The following NADK2 variants were observed in gnomAD, a reference collection of about 807,000 sequenced individuals.
The protein encoded by NADK2 is NAD kinase 2, mitochondrial, also known as NAD kinase domain-containing protein 1, mitochondrial.
In NADK2, 35 loss-of-function variants were observed where a neutral mutation model predicts 62.1. The observed-to-expected ratio is 0.56, with a 90% CI of 0.43 to 0.75. The LOEUF (loss-of-function observed/expected upper bound fraction) is 0.75, where lower values mean the gene tolerates loss of function less well. NADK2 is among the 30% of genes least tolerant of loss of function. The probability of loss-of-function intolerance (pLI) is 0.00; values close to 1 mark genes in which losing one functional copy is unlikely to be tolerated. For missense variants in NADK2, 439 were observed against 561.3 expected (o/e 0.78, Z 2.20); for synonymous variants, 205 against 207.9 (o/e 0.99, Z 0.12).
At chr5:36,210,169 C>T (rs772743398) in intron 7 of NADK2, among the ~76,000 whole-genome samples, 2 of 152,102 alleles carry the variant, frequency 1.3e-5, no homozygotes, top group African/African-American at 4.8e-5. Flanking sequence ...AAATAAAACT[C>T]ATCTCTAATC....
chr5:36,214,967 G>A (rs1214672162), intron 6 of NADK2, among the ~76,000 whole-genome samples: 1 of 152,108 alleles, frequency 6.6e-6, no homozygotes, highest in East Asian at 1.9e-4. Flanking sequence ...ATTGTGTTAG[G>A]TATTATACAT....
chr5:36,235,902 T>C (rs575241120), intron 1 of NADK2, among the ~76,000 whole-genome samples: 3 of 148,966 alleles, frequency 2.0e-5, no homozygotes, highest in Non-Finnish European at 4.5e-5. Context: ...TATATATATA[T>C]ATATAAAAAA....
At chr5:36,237,165 T>C (rs1426439083) in intron 1 of NADK2, among the ~76,000 whole-genome samples, 2 of 152,208 alleles carry the variant, frequency 1.3e-5, no homozygotes, top group Non-Finnish European at 2.9e-5. Context: ...CAATTTCAAC[T>C]TTAGGTATTT....
chr5:36,225,817 A>C (rs1312390676), intron 3 of NADK2, among the ~76,000 whole-genome samples, 194 bp from the exon 4 acceptor site: 2 of 152,220 alleles, frequency 1.3e-5, no homozygotes, highest in East Asian at 3.8e-4. Flanking sequence ...CATAAGTGGC[A>C]AGATTACATT....
rs1746432332 is a variant in NADK2, at chr5:36,201,155, G to C, written c.963C>G (p.Phe321Leu). 6.2e-7 allele frequency: 1 copy of C among 1,610,302 alleles called. No individual in the cohort carries two copies. Among genetic ancestry groups the C allele is most frequent in the Non-Finnish European group, 8.5e-7 (1 of 1,177,950 alleles). Residue 321 changes from phenylalanine (F) to leucine (L), a missense_variant, in exon 9 of 12, where the codon TTC (phenylalanine) becomes TTG (leucine). Phe to Leu is a conservative substitution (Grantham distance 22). Coordinates refer to ENST00000381937, the MANE Select transcript of NADK2 (RefSeq NM_001085411.3). ...CCTGAGTTGCAACCCTGTTAATATT[G>C]AATGACCTAGAAACAAAAATCACAT... ...CTGTGSKAWSFNINRVATQAV... is the reference protein window; with the variant it reads ...CTGTGSKAWSLNINRVATQAV...
chr5:36,199,206 A>ATAC (rs1311890300), intron 10 of NADK2, among the ~76,000 whole-genome samples: 9 of 152,188 alleles, frequency 5.9e-5, no homozygotes, highest in African/African-American at 2.2e-4. Flanking sequence ...TATAATAATA[A>ATAC]TAAAATTAAA....
rs769089543 is a variant in NADK2, at chr5:36,217,823, C to A, written c.706G>T (p.Val236Leu). ...LEGTGINPVP[V>L]DLHEQQLSLN... Reference sequence around the variant, plus strand: ...CTTAGCTGCTGCTCGTGAAGGTCCACAGGTACAGGGTTTATGCCAGTCCCT... The same window carrying A: ...CTTAGCTGCTGCTCGTGAAGGTCCAAAGGTACAGGGTTTATGCCAGTCCCT... The change falls in exon 6 of 12, where the codon GTG becomes TTG. Residue 236 changes from valine (V) to leucine (L), a missense_variant. Coordinates refer to ENST00000381937, the MANE Select transcript of NADK2 (RefSeq NM_001085411.3). 6.2e-7 allele frequency: 1 copy of A among 1,613,998 alleles called. No homozygotes were observed. Among genetic ancestry groups the A allele is most frequent in the Non-Finnish European group, 8.5e-7 (1 of 1,179,916 alleles).
Position 36,195,283 on chromosome 5 carries a change from C to T in NADK2, c.1191-1G>A. 6.2e-7 allele frequency: 1 copy of T among 1,602,578 alleles called. No homozygotes were observed. The highest frequency in any genetic ancestry group is 2.2e-5 in the East Asian group (1 of 44,544). ...CCAACAACGAGAACGAACACAAACC[C>T]TAGGCAGAAGGAAATATCTCATTAA... On this transcript the variant is annotated splice_acceptor_variant, in intron 11 of 11. Coordinates refer to ENST00000381937, the MANE Select transcript of NADK2 (RefSeq NM_001085411.3). LOFTEE classifies it high-confidence loss of function.
intron 1 of NADK2, among the ~76,000 whole-genome samples, chr5:36,236,671 T>A (rs571256267): frequency 6.6e-6 from 1 of 151,848 alleles, no homozygotes; most frequent in East Asian, 1.9e-4. Flanking sequence ...TTAGTGGAAG[T>A]ATGGGGGTGG....
chr5:36,203,683 G>T (rs761995084), intron 8 of NADK2, among the ~76,000 whole-genome samples: 3 of 152,066 alleles, frequency 2.0e-5, no homozygotes, highest in Non-Finnish European at 4.4e-5. Flanking sequence ...TGTGGGAGGC[G>T]AGGAATGCTT....
At position 36,219,696 on chromosome 5, in the gene NADK2, AT is replaced by A; in HGVS notation, c.561-18del. On this transcript the variant is annotated intron_variant, in intron 4 of 11. Coordinates refer to ENST00000381937, the MANE Select transcript of NADK2 (RefSeq NM_001085411.3). ...CCCTCAGACCTATATTTTAACAGGAATTTTTTGGTGATATAAAGAGGAAAAG... is the reference window on the plus strand; with the variant it reads ...CCCTCAGACCTATATTTTAACAGGAATTTTTGGTGATATAAAGAGGAAAAG... The A allele has an allele frequency of 1.9e-6, 3 of 1,604,866 alleles. No homozygotes were observed. Among genetic ancestry groups the A allele is most frequent in the Non-Finnish European group, 8.5e-7 (1 of 1,173,682 alleles).
intron 6 of NADK2, among the ~76,000 whole-genome samples, chr5:36,216,723 T>C (rs1409054114): frequency 6.6e-6 from 1 of 152,142 alleles, no homozygotes; most frequent in Non-Finnish European, 1.5e-5. Context: ...TGACTCTTTA[T>C]ATACCAATCT....
intron 1 of NADK2, among the ~76,000 whole-genome samples, chr5:36,228,907 G>C (rs368628504): frequency 3.5e-4 from 53 of 151,950 alleles, no homozygotes; most frequent in Non-Finnish European, 2.6e-4. Context: ...TTACAGGTGT[G>C]AGCCATCACA....
At chr5:36,196,077 G>A (rs577242311) in intron 11 of NADK2, among the ~76,000 whole-genome samples, 1 of 152,150 alleles carries the variant, frequency 6.6e-6, no homozygotes, top group African/African-American at 2.4e-5. Context: ...TTGGGTTTTT[G>A]GCTATTGGGA....
chr5:36,241,812 G>GCCC lies in NADK2; in HGVS notation c.-15_-14insGGG. ...GTAGCAAGTCATCGTGGGCCGGGCCGCGGCCGCGGGCTTGGGCTCGGGCCC... is the reference window on the plus strand; with the variant it reads ...GTAGCAAGTCATCGTGGGCCGGGCCGCCCCGGCCGCGGGCTTGGGCTCGGGCCC... On this transcript the variant is annotated 5_prime_UTR_variant, in exon 1 of 12. Transcript: ENST00000381937. This position sits in a 1 kb window ranked among gnomAD's most constrained non-coding sequence, Gnocchi z 4.9. 7.7e-7 allele frequency: 1 copy of GCCC among 1,306,386 alleles called. No individual in the cohort carries two copies. The highest frequency in any genetic ancestry group is 9.7e-7 in the Non-Finnish European group (1 of 1,028,828). The allele number at this position is 1,306,386 out of a possible 1,614,324, so 80.9% of individuals were successfully genotyped here.
In NADK2 at chr5:36,241,869, C is replaced by T; in HGVS notation, c.-71G>A. 1.8e-6 allele frequency: 2 copies of T among 1,115,430 alleles called. No individual in the cohort carries two copies. Among genetic ancestry groups the T allele is most frequent in the South Asian group, 3.2e-5 (1 of 31,330 alleles). The allele number at this position is 1,115,430 out of a possible 1,614,324, so 69.1% of individuals were successfully genotyped here. On this transcript the variant is annotated 5_prime_UTR_variant, in exon 1 of 12. Coordinates refer to ENST00000381937, the MANE Select transcript of NADK2 (RefSeq NM_001085411.3). The surrounding 1 kb of genome is among the most constrained non-coding windows in gnomAD (Gnocchi z 4.9). Reference sequence around the variant, plus strand: ...TCAGCTCCCTACCGCCGGGAGTGCGCGCCGTCCGCGCCGCCCGGGCCTCTA... The same window carrying T: ...TCAGCTCCCTACCGCCGGGAGTGCGTGCCGTCCGCGCCGCCCGGGCCTCTA...
At chr5:36,235,195 C>T (rs1297839643) in intron 1 of NADK2, among the ~76,000 whole-genome samples, 1 of 151,970 alleles carries the variant, frequency 6.6e-6, no homozygotes, top group African/African-American at 2.4e-5. Context: ...ATGATAACTT[C>T]TTTAAAATTT....
chr5:36,218,003 ATAAAT>A, intron 5 of NADK2, 119 bp from the exon 6 acceptor site: 1 of 857,434 alleles, frequency 1.2e-6, no homozygotes, highest in East Asian at 2.7e-5. Context: ...TATTCCATGA[ATAAAT>A]TATATCAGAA....
intron 6 of NADK2, among the ~76,000 whole-genome samples, chr5:36,212,511 T>C (rs1326314095): frequency 6.6e-6 from 1 of 152,208 alleles, no homozygotes; most frequent in Admixed American, 6.5e-5. Flanking sequence ...TCCTTCATAA[T>C]TACTTAAACA....
Sources: allele counts gnomAD v4.1 joint callset (sites outside exome capture counted in the v4.1 genomes callset), GRCh38; gene constraint gnomAD v4.1.1; non-coding constraint Gnocchi (gnomAD v3.1); transcripts MANE v1.5; gene names NCBI Gene and HGNC (gene_info 2026-07-23, HGNC 2026-07-21).